PPP5C: variants seen among roughly 807,000 people sequenced by gnomAD.
PPP5C encodes protein phosphatase 5 catalytic subunit.
PPP5C carries 21 observed loss-of-function variants against 66.7 expected under a neutral mutation model. The observed-to-expected ratio is 0.31, with a 90% CI of 0.22 to 0.45. The LOEUF (loss-of-function observed/expected upper bound fraction) is 0.45, where lower values mean the gene tolerates loss of function less well. Ranked by LOEUF, PPP5C falls within the 20% of genes least tolerant of loss-of-function variation. The pLI is 1.00. For missense variants in PPP5C, 464 were observed against 675.9 expected (o/e 0.69, Z 3.48); for synonymous variants, 246 against 257.4 (o/e 0.96, Z 0.43).
At chr19:46,368,566 A>G (rs1485576050) in intron 2 of PPP5C, among the ~76,000 whole-genome samples, 1 of 152,218 alleles carries the variant, frequency 6.6e-6, no homozygotes, top group African/African-American at 2.4e-5. Flanking sequence ...TTATTTTAAT[A>G]GCTTTGGGGG....
At chr19:46,354,695 G>A (rs928142311) in intron 2 of PPP5C, among the ~76,000 whole-genome samples, 1 of 152,072 alleles carries the variant, frequency 6.6e-6, no homozygotes, top group Non-Finnish European at 1.5e-5. Flanking sequence ...TACTCAGGAG[G>A]CTGAGGCAAG....
rs757637994 is a variant in PPP5C at position 46,353,886 on chromosome 19, G to A, written c.260G>A (p.Arg87Gln). ...GGCTACGCGCTGGGAGACGCCACGCGGGCCATTGAGCTGGACAAGAAGTAC... is the reference window on the plus strand; with the variant it reads ...GGCTACGCGCTGGGAGACGCCACGCAGGCCATTGAGCTGGACAAGAAGTAC... ...CYGYALGDAT[R>Q]AIELDKKYIK... The change falls in exon 2 of 13, where the codon CGG becomes CAG. Residue 87 changes from arginine (R) to glutamine (Q), a missense_variant. Physicochemically the swap from Arg to Gln is conservative, Grantham distance 43 (BLOSUM62 1). Transcript: ENST00000012443. 20 of 1,606,074 alleles carry A rather than the reference G, an allele frequency of 1.2e-5. No homozygotes were observed. The highest frequency in any genetic ancestry group is 3.3e-4 in the Middle Eastern group (2 of 6,048).
intron 2 of PPP5C, among the ~76,000 whole-genome samples, chr19:46,364,097 C>G (rs1006748128): frequency 1.3e-5 from 2 of 152,062 alleles, no homozygotes; most frequent in African/African-American, 4.8e-5. Context: ...TTTACATTAT[C>G]CTTGGCAAAA....
intron 4 of PPP5C, among the ~76,000 whole-genome samples, chr19:46,377,358 A>G (rs945221309): frequency 2.6e-5 from 4 of 152,222 alleles, no homozygotes; most frequent in African/African-American, 9.7e-5. Context: ...TGTCTCCACC[A>G]AGGGCTGTTG....
chr19:46,371,199 C>T (rs946669975), intron 2 of PPP5C, among the ~76,000 whole-genome samples: 2 of 152,164 alleles, frequency 1.3e-5, no homozygotes, highest in Non-Finnish European at 2.9e-5. Context: ...CTGGGGGACT[C>T]CCTCTGTGCT....
intron 4 of PPP5C, among the ~76,000 whole-genome samples, chr19:46,380,942 T>G (rs1203992103): frequency 6.6e-6 from 1 of 152,218 alleles, no homozygotes; most frequent in Non-Finnish European, 1.5e-5. Flanking sequence ...CCATTATTTC[T>G]TATATTTCTT....
In PPP5C at chr19:46,388,469, A is replaced by G. The variant is rs753980750; in HGVS notation, c.1176+21A>G. Reference sequence around the variant, plus strand: ...CACAGGTGAGTCTAGGGTGGGGTGCAGGGCCGGCGGGTGTGGGCTGTGGCA... The same window carrying G: ...CACAGGTGAGTCTAGGGTGGGGTGCGGGGCCGGCGGGTGTGGGCTGTGGCA... On this transcript the variant is annotated intron_variant, in intron 10 of 12. Transcript: ENST00000012443. This position sits in a 1 kb window ranked among gnomAD's most constrained non-coding sequence, Gnocchi z 4.9. 5 of 1,611,326 alleles carry G rather than the reference A, an allele frequency of 3.1e-6. No individual in the cohort carries two copies. The highest frequency in any genetic ancestry group is 3.3e-5 in the Admixed American group (2 of 59,916).
At chr19:46,377,805 T>G (rs186535033) in intron 4 of PPP5C, among the ~76,000 whole-genome samples, 1 of 152,388 alleles carries the variant, frequency 6.6e-6, no homozygotes. Flanking sequence ...GTGGGATTCA[T>G]ACATGGATGT....
chr19:46,387,355 C>A lies in PPP5C; in HGVS notation c.1048-11C>A. On this transcript the variant is annotated splice_polypyrimidine_tract_variant and intron_variant, in intron 8 of 12. Coordinates refer to ENST00000012443, the MANE Select transcript of PPP5C (RefSeq NM_006247.4). ...CACCTTCCCTCACAGCGGCATCCCCCATCTCCCCAGATCATGCACGGAGGC... is the reference window on the plus strand; with the variant it reads ...CACCTTCCCTCACAGCGGCATCCCCAATCTCCCCAGATCATGCACGGAGGC... 1 of 1,606,688 alleles carries A rather than the reference C, an allele frequency of 6.2e-7. No homozygotes were observed. The highest frequency in any genetic ancestry group is 1.3e-5 in the African/African-American group (1 of 74,914).
At chr19:46,364,876 G>A (rs1972463868) in intron 2 of PPP5C, among the ~76,000 whole-genome samples, 1 of 151,992 alleles carries the variant, frequency 6.6e-6, no homozygotes, top group Admixed American at 6.6e-5. Context: ...TTTGCAGGAT[G>A]GCGCTCCATA....
At position 46,376,610 on chromosome 19, in the gene PPP5C, C is replaced by A; in HGVS notation, c.633+36C>A. ...TGTCAGGTACTGGGCACCCGGGAAC[C>A]CTGGGATGGCATCACAGCACTGCCA... On this transcript the variant is annotated intron_variant, in intron 4 of 12. Transcript: ENST00000012443. The surrounding 1 kb of genome is among the most constrained non-coding windows in gnomAD (Gnocchi z 5.1). 2 of 1,606,278 alleles carry A rather than the reference C, an allele frequency of 1.2e-6. No individual in the cohort carries two copies. The highest frequency in any genetic ancestry group is 2.2e-5 in the South Asian group (2 of 90,186).
intron 2 of PPP5C, among the ~76,000 whole-genome samples, chr19:46,356,653 G>T (rs757393972): frequency 7.2e-5 from 11 of 152,344 alleles, no homozygotes; most frequent in Middle Eastern, 3.4e-3. Context: ...CCTAGTCCAT[G>T]CTTGTAACTG....
At position 46,383,767 on chromosome 19, in the gene PPP5C, T is replaced by C; in HGVS notation, c.700-13T>C. On this transcript the variant is annotated splice_polypyrimidine_tract_variant and intron_variant, in intron 5 of 12. Coordinates refer to ENST00000012443, the MANE Select transcript of PPP5C (RefSeq NM_006247.4). The surrounding 1 kb of genome is among the most constrained non-coding windows in gnomAD (Gnocchi z 5.0). ...CTCGGCCCGTCCCTCTCCGGTGGCC[T>C]CTTTTCTTTCAGACAGAGAAGATTA... is the stretch of plus-strand genomic sequence containing the variant. 6.2e-7 allele frequency: 1 copy of C among 1,605,528 alleles called. No individual in the cohort carries two copies. Among genetic ancestry groups the C allele is most frequent in the Non-Finnish European group, 8.5e-7 (1 of 1,172,316 alleles).
chr19:46,353,304 A>G (rs1433489267), intron 1 of PPP5C, among the ~76,000 whole-genome samples: 1 of 152,112 alleles, frequency 6.6e-6, no homozygotes, highest in African/African-American at 2.4e-5. Context: ...TTAGAACATC[A>G]GTGTCCAGAC....
intron 2 of PPP5C, among the ~76,000 whole-genome samples, chr19:46,362,791 A>G (rs1295067867): frequency 6.6e-6 from 1 of 151,306 alleles, no homozygotes; most frequent in Non-Finnish European, 1.5e-5. Flanking sequence ...TTTATTTTTT[A>G]TTTTTATTTT....
intron 2 of PPP5C, among the ~76,000 whole-genome samples, chr19:46,374,383 C>T (rs1399306559): frequency 6.6e-6 from 1 of 152,192 alleles, no homozygotes; most frequent in Non-Finnish European, 1.5e-5. Flanking sequence ...AGTCTGTCCT[C>T]TGGCACAGGA....
rs534163907 is a variant in PPP5C at position 46,379,054 on chromosome 19, T to G, written c.633+2480T>G. Among the ~76,000 whole-genome samples, 159 of 152,190 alleles carry G rather than the reference T, an allele frequency of 1.0e-3. 2 individuals carry two copies. The South Asian group carries it at 0.031, about 30-fold the overall frequency. ...ACACGCCACTATACCCAACTAATTT[T>G]TGTTTCGTTTTGTTTTTTGAGACGG... On this transcript the variant is annotated intron_variant, in intron 4 of 12. Transcript: ENST00000012443.
Position 46,382,976 on chromosome 19 carries a change from C to T in PPP5C, c.634-435C>T, listed in dbSNP as rs180805007. The T allele has an allele frequency of 3.6e-4, 382 of 1,071,254 alleles. 2 individuals are homozygous for T. In the African/African-American group the frequency reaches 4.0e-3, roughly 11 times the overall value. 66.4% of individuals were successfully genotyped at this position (1,071,254 alleles called of 1,614,324 possible). On this transcript the variant is annotated intron_variant, in intron 4 of 12. Coordinates refer to ENST00000012443, the MANE Select transcript of PPP5C (RefSeq NM_006247.4). Reference sequence around the variant, plus strand: ...AGCTGCTTTTAAAAAATTCAGCGTCCGTTGAAAGCACCAGTGTTGCCTATG... The same window carrying T: ...AGCTGCTTTTAAAAAATTCAGCGTCTGTTGAAAGCACCAGTGTTGCCTATG...
At chr19:46,387,680 G>T in intron 9 of PPP5C, 2 of 1,471,178 alleles carry the variant, frequency 1.4e-6, no homozygotes, top group Non-Finnish European at 9.0e-7. Flanking sequence ...CACGGTGACC[G>T]CCGAGCACAC....
Sources: gnomAD v4.1 joint callset for allele counts (sites outside exome capture counted in the v4.1 genomes callset) on GRCh38, gnomAD v4.1.1 for gene constraint, Gnocchi (gnomAD v3.1) non-coding constraint, MANE v1.5 for transcripts, NCBI Gene and HGNC (gene_info 2026-07-23, HGNC 2026-07-21) for gene names.